Variants in DDX31 observed in about 807,000 individuals in gnomAD.
The protein encoded by DDX31 is DEAD-box helicase 31.
In DDX31, 70 loss-of-function variants were observed where a neutral mutation model predicts 91.3. The observed-to-expected ratio is 0.77, with a 90% CI of 0.63 to 0.94. DDX31 has a LOEUF of 0.94. Among genes scored for constraint, DDX31 ranks in the 40% least tolerant of loss-of-function variants. The pLI is 0.00. For missense variants in DDX31, 902 were observed against 925.0 expected (o/e 0.98, Z 0.32); for synonymous variants, 362 against 350.6 (o/e 1.03, Z -0.36).
chr9:132,663,173 G>A (rs1835092561), intron 1 of DDX31: 2 of 1,289,142 alleles, frequency 1.6e-6, no homozygotes, highest in Non-Finnish European at 1.0e-6. Flanking sequence ...GAGGGGCGAG[G>A]GGGAATGCGC....
chr9:132,669,797 C>T, intron 1 of DDX31, 63 bp downstream of exon 1: 1 of 1,521,758 alleles, frequency 6.6e-7, no homozygotes, highest in Non-Finnish European at 8.8e-7. Flanking sequence ...ACGGCTGCAG[C>T]TCGCGGCGCG....
intron 13 of DDX31, among the ~76,000 whole-genome samples, chr9:132,645,384 C>G (rs1049854153): frequency 2.0e-5 from 3 of 152,178 alleles, no homozygotes; most frequent in African/African-American, 7.2e-5. Context: ...TCACGGTACC[C>G]TCTCCCAACC....
In DDX31 at chr9:132,653,494, C is replaced by CAAAAAAAAAAAA. The variant is rs71376648; in HGVS notation, c.589-1014_589-1003dup. On this transcript the variant is annotated intron_variant, in intron 6 of 19. Transcript: ENST00000372159. ...GGGCAACAAGTGAAAAACTCAGTCTCAAAAAAAAAAAAAAAAAAAAAAAAA... is the reference window on the plus strand; with the variant it reads ...GGGCAACAAGTGAAAAACTCAGTCTCAAAAAAAAAAAAAAAAAAAAAAAAAAAAAAAAAAAAA... Among the ~76,000 whole-genome samples, 9 of 20,660 alleles carry CAAAAAAAAAAAA rather than the reference C, an allele frequency of 4.4e-4. 1 individual carries two copies. Among genetic ancestry groups the CAAAAAAAAAAAA allele is most frequent in the Non-Finnish European group, 7.5e-4 (5 of 6,702 alleles). 13.6% of individuals were successfully genotyped at this position (20,660 alleles called of 152,430 possible). A position where few individuals can be genotyped will look rare whatever the true frequency, so the allele number is the denominator to read the frequency against.
At chr9:132,610,014 TCTG>T (rs930967621) in intron 19 of DDX31, among the ~76,000 whole-genome samples, 114 of 152,338 alleles carry the variant, frequency 7.5e-4, no homozygotes, top group African/African-American at 2.7e-3. Context: ...TGATCAGGCT[TCTG>T]ATGATGAGGC....
At chr9:132,643,831 G>A (rs1027039215) in intron 13 of DDX31, among the ~76,000 whole-genome samples, 1 of 151,470 alleles carries the variant, frequency 6.6e-6, no homozygotes, top group African/African-American at 2.4e-5. Context: ...TGGCTGCATC[G>A]TAGAATCAAA....
At chr9:132,605,091 C>T (rs1319384512) in intron 19 of DDX31, among the ~76,000 whole-genome samples, 1 of 152,228 alleles carries the variant, frequency 6.6e-6, no homozygotes, top group African/African-American at 2.4e-5. Context: ...TCCCACCAGG[C>T]AGGGTTTGCT....
chr9:132,610,714 T>C (rs571071329), intron 19 of DDX31, among the ~76,000 whole-genome samples: 1 of 152,250 alleles, frequency 6.6e-6, no homozygotes, highest in African/African-American at 2.4e-5. Flanking sequence ...GCAATCTGCC[T>C]GCCTGGGCCT....
chr9:132,648,765 T>C (rs1833997605), intron 9 of DDX31, among the ~76,000 whole-genome samples: 1 of 152,332 alleles, frequency 6.6e-6, no homozygotes, highest in East Asian at 1.9e-4. Flanking sequence ...TGAAATTACA[T>C]TAAAATCATA....
At chr9:132,654,859 C>A (rs1834450173) in intron 6 of DDX31, among the ~76,000 whole-genome samples, 1 of 145,016 alleles carries the variant, frequency 6.9e-6, no homozygotes, top group Admixed American at 7.1e-5. Context: ...GGCAGGAGAA[C>A]TGCTTGAATC....
At chr9:132,638,903 G>C (rs1833298762) in intron 14 of DDX31, among the ~76,000 whole-genome samples, 1 of 152,158 alleles carries the variant, frequency 6.6e-6, no homozygotes, top group Non-Finnish European at 1.5e-5. Flanking sequence ...CTTGTTAAAA[G>C]GATCTCGGGA....
At chr9:132,625,790 A>G (rs1330869887) in intron 16 of DDX31, 45 bp from the exon 17 acceptor site, 1 of 1,515,288 alleles carries the variant, frequency 6.6e-7, no homozygotes. Flanking sequence ...GCTCTTTCAA[A>G]AACACCCAAG....
Position 132,632,239 on chromosome 9 carries a change from TGTACACACACACACACACACACACACAC to T in DDX31, c.1441-176_1441-149del, listed in dbSNP as rs1257987592. The T allele has an allele frequency of 3.9e-3, 207 of 53,460 alleles. 7 individuals are homozygous for T. Among genetic ancestry groups the T allele is most frequent in the Middle Eastern group, 0.02 (4 of 204 alleles). The allele number at this position is 53,460 out of a possible 1,614,324, so 3.3% of individuals were successfully genotyped here. A position where few individuals can be genotyped will look rare whatever the true frequency, so the allele number is the denominator to read the frequency against. On this transcript the variant is annotated intron_variant, in intron 14 of 19. Transcript: ENST00000372159. ...GGCATACACGTATATGCCCAGTACG[TGTACACACACACACACACACACACACAC>T]ACACACACACACACACACACACACA...
chr9:132,640,381 G>A (rs377040083), intron 14 of DDX31, among the ~76,000 whole-genome samples: 3 of 152,150 alleles, frequency 2.0e-5, no homozygotes, highest in East Asian at 3.8e-4. Flanking sequence ...CTGAAAGAGG[G>A]GGCTGTTTTG....
chr9:132,664,504 T>C (rs1027867832), intron 1 of DDX31, among the ~76,000 whole-genome samples: 1 of 151,788 alleles, frequency 6.6e-6, no homozygotes, highest in Admixed American at 6.6e-5. Flanking sequence ...AGGCCAGGAG[T>C]TCGAGACCAG....
chr9:132,639,934 C>T (rs1301627351), intron 14 of DDX31, among the ~76,000 whole-genome samples: 1 of 152,142 alleles, frequency 6.6e-6, no homozygotes, highest in Non-Finnish European at 1.5e-5. Context: ...AAACTTATTC[C>T]CAGTGAGCAA....
At chr9:132,659,926 G>A in intron 4 of DDX31, 146 bp from the exon 5 acceptor site, 1 of 701,388 alleles carries the variant, frequency 1.4e-6, no homozygotes, top group Non-Finnish European at 2.4e-6. Context: ...AAATAAAGGT[G>A]TGAAGAAACT....
chr9:132,595,594 G>A lies in DDX31; in HGVS notation c.1995-482C>T, dbSNP rs1830401429. 6.6e-6 allele frequency among the ~76,000 whole-genome samples: 1 copy of A among 152,180 alleles called. No homozygotes were observed. The highest frequency in any genetic ancestry group is 2.1e-4 in the South Asian group (1 of 4,824). ...GCCCTGCGGGAGCAGAGTCCAGCAA[G>A]TTCCACGCAGCCCTCCAGGGTTCCA... On this transcript the variant is annotated intron_variant, in intron 19 of 19. Transcript: ENST00000372159. The surrounding 1 kb of genome is among the most constrained non-coding windows in gnomAD (Gnocchi z 4.6).
rs34868804 is a variant in DDX31 at position 132,623,551 on chromosome 9, CA to C, written c.1713+2112del. Among the ~76,000 whole-genome samples the C allele has an allele frequency of 2.0e-3, 132 of 66,744 alleles. No homozygotes were observed. In the Middle Eastern group the frequency reaches 0.041, roughly 21 times the overall value. The allele number at this position is 66,744 out of a possible 152,430, so 43.8% of individuals were successfully genotyped here. ...CTGGCGATAGAGCGAGACTCCATCT[CA>C]AAAAAAAAAAAAAAAAGAAAAAAAA... is the stretch of plus-strand genomic sequence containing the variant. On this transcript the variant is annotated intron_variant, in intron 17 of 19. Coordinates refer to ENST00000372159, the MANE Select transcript of DDX31 (RefSeq NM_022779.9).
intron 19 of DDX31, among the ~76,000 whole-genome samples, chr9:132,608,661 T>C (rs1831158952): frequency 6.6e-6 from 1 of 152,178 alleles, no homozygotes; most frequent in East Asian, 1.9e-4. Flanking sequence ...CACCGTAAAA[T>C]GGAATGCAGA....
Sources: allele counts gnomAD v4.1 joint callset (sites outside exome capture counted in the v4.1 genomes callset), GRCh38; gene constraint gnomAD v4.1.1; non-coding constraint Gnocchi (gnomAD v3.1); transcripts MANE v1.5; gene names NCBI Gene and HGNC (gene_info 2026-07-23, HGNC 2026-07-21).